Variants in DEPDC1B observed in about 807,000 individuals in gnomAD.
DEPDC1B encodes the protein DEP domain containing 1B.
Under a neutral mutation model 66.5 loss-of-function variants are expected in DEPDC1B, and 51 were observed. That is an observed-to-expected ratio of 0.77 (90% CI 0.61 to 0.97). The LOEUF (loss-of-function observed/expected upper bound fraction) is 0.97, where lower values mean the gene tolerates loss of function less well. Ranked by LOEUF, DEPDC1B falls within the 50% of genes least tolerant of loss-of-function variation. DEPDC1B has a pLI of 0.00. For missense variants in DEPDC1B, 552 were observed against 637.1 expected, an observed-to-expected ratio of 0.87 and a Z score of 1.44; for synonymous variants, 226 against 223.6, an observed-to-expected ratio of 1.01 and a Z score of -0.10.
chr5:60,607,671 G>C (rs924823920), intron 7 of DEPDC1B, among the ~76,000 whole-genome samples: 1 of 152,048 alleles, frequency 6.6e-6, no homozygotes, highest in Non-Finnish European at 1.5e-5. Flanking sequence ...GGAGTGAGGG[G>C]ATGTGCTCCA....
At chr5:60,644,720 A>G (rs1753269142) in intron 5 of DEPDC1B, 25 bp downstream of exon 5, 1 of 1,571,740 alleles carries the variant, frequency 6.4e-7, no homozygotes, top group Non-Finnish European at 8.6e-7. Context: ...GTCAATAAGT[A>G]ACAAAATTAT....
intron 2 of DEPDC1B, among the ~76,000 whole-genome samples, chr5:60,660,768 G>A (rs994304543): frequency 6.6e-6 from 1 of 152,188 alleles, no homozygotes; most frequent in African/African-American, 2.4e-5. Flanking sequence ...ACTAACCACT[G>A]AAAATTCCCT....
intron 2 of DEPDC1B, among the ~76,000 whole-genome samples, chr5:60,670,249 T>C (rs1015674899): frequency 6.6e-6 from 1 of 152,074 alleles, no homozygotes; most frequent in Non-Finnish European, 1.5e-5. Context: ...CCGGGCGTGG[T>C]GGCAGGCGCC....
intron 2 of DEPDC1B, among the ~76,000 whole-genome samples, chr5:60,660,974 C>T (rs10939857): frequency 0.55 from 83,231 of 152,124 alleles, 23,367 homozygotes; most frequent in East Asian, 0.77. Context: ...TGCCTAATAA[C>T]TGGTCTGCTG....
chr5:60,666,684 T>A (rs1753848438), intron 2 of DEPDC1B, among the ~76,000 whole-genome samples: 1 of 152,176 alleles, frequency 6.6e-6, no homozygotes. Context: ...GGGAGTGAAG[T>A]GGACTCTGTG....
chr5:60,615,374 G>A (rs1752521516), intron 7 of DEPDC1B, among the ~76,000 whole-genome samples: 1 of 152,178 alleles, frequency 6.6e-6, no homozygotes, highest in South Asian at 2.1e-4. Context: ...AAGCACAAGG[G>A]GTCAGGGAAT....
At chr5:60,599,983 G>A (rs1170752959) in intron 9 of DEPDC1B, among the ~76,000 whole-genome samples, 1 of 152,122 alleles carries the variant, frequency 6.6e-6, no homozygotes, top group Non-Finnish European at 1.5e-5. Context: ...CTCCACGACC[G>A]AGCTGGTCTC....
intron 7 of DEPDC1B, among the ~76,000 whole-genome samples, chr5:60,610,239 T>C (rs941148219): frequency 1.2e-4 from 18 of 152,364 alleles, no homozygotes; most frequent in African/African-American, 3.8e-4. Context: ...CTCTCACCGA[T>C]TGTGGACAAG....
Position 60,679,693 on chromosome 5 carries a change from C to G in DEPDC1B, c.314+7269G>C, listed in dbSNP as rs901650971. Among the ~76,000 whole-genome samples the G allele has an allele frequency of 2.6e-4, 40 of 152,320 alleles. 1 individual carries two copies. Among genetic ancestry groups the G allele is most frequent in the African/African-American group, 8.9e-4 (37 of 41,568 alleles). On this transcript the variant is annotated intron_variant, in intron 2 of 10. Transcript: ENST00000265036. ...AAAACCTTCCCAGTTCAACCACCCA[C>G]CAGAGCTAGCACCAGTGATGAGAGC...
At chr5:60,603,072 A>T (rs1257245195) in intron 9 of DEPDC1B, among the ~76,000 whole-genome samples, 1 of 152,224 alleles carries the variant, frequency 6.6e-6, no homozygotes, top group African/African-American at 2.4e-5. Flanking sequence ...TCACAGGGCA[A>T]TTATGAATCA....
At chr5:60,666,452 C>A (rs1447794444) in intron 2 of DEPDC1B, among the ~76,000 whole-genome samples, 2 of 152,134 alleles carry the variant, frequency 1.3e-5, no homozygotes, top group Non-Finnish European at 2.9e-5. Flanking sequence ...CAAAGACCCC[C>A]CCCATAACAC....
chr5:60,618,825 G>C (rs553355034), intron 7 of DEPDC1B, among the ~76,000 whole-genome samples: 1 of 152,026 alleles, frequency 6.6e-6, no homozygotes, highest in South Asian at 2.1e-4. Context: ...GCCTGGCAGA[G>C]ACACAACAAA....
intron 2 of DEPDC1B, among the ~76,000 whole-genome samples, chr5:60,674,631 TA>T (rs942189317): frequency 6.6e-6 from 1 of 152,224 alleles, no homozygotes; most frequent in African/African-American, 2.4e-5. Flanking sequence ...ATACACCTAA[TA>T]ATCTGTTGCA....
At position 60,597,740 on chromosome 5, in the gene DEPDC1B, T is replaced by TA; in HGVS notation, c.*12_*13insT. On this transcript the variant is annotated 3_prime_UTR_variant, in exon 11 of 11. Coordinates refer to ENST00000265036, the MANE Select transcript of DEPDC1B (RefSeq NM_018369.3). ...AACAGTGGTCTCTAGCACCTGTTGC[T>TA]GTGGAAGTATTATTACATTCGAAAA... The TA allele has an allele frequency of 6.2e-7, 1 of 1,610,702 alleles. No homozygotes were observed. The highest frequency in any genetic ancestry group is 2.2e-5 in the East Asian group (1 of 44,718).
intron 1 of DEPDC1B, among the ~76,000 whole-genome samples, chr5:60,692,936 G>A (rs1406715785): frequency 6.6e-6 from 1 of 152,034 alleles, no homozygotes; most frequent in Non-Finnish European, 1.5e-5. Context: ...TCAAAAGCAG[G>A]CCAAACGATC....
At chr5:60,606,208 A>G (rs1187973580) in intron 7 of DEPDC1B, among the ~76,000 whole-genome samples, 1 of 152,174 alleles carries the variant, frequency 6.6e-6, no homozygotes, top group African/African-American at 2.4e-5. Flanking sequence ...CAAAATAGCA[A>G]GAACGTGAAC....
intron 7 of DEPDC1B, among the ~76,000 whole-genome samples, chr5:60,617,557 A>G (rs370806509): frequency 8.9e-4 from 136 of 151,960 alleles, no homozygotes; most frequent in African/African-American, 3.1e-3. Flanking sequence ...TTACATAATG[A>G]TAAAGGGATC....
intron 2 of DEPDC1B, among the ~76,000 whole-genome samples, chr5:60,658,288 T>C (rs767609321): frequency 6.6e-6 from 1 of 152,274 alleles, no homozygotes; most frequent in Admixed American, 6.5e-5. Flanking sequence ...ACAATTCTTT[T>C]TCTGGCAATT....
chr5:60,668,343 C>T (rs1234028252), intron 2 of DEPDC1B, among the ~76,000 whole-genome samples: 2 of 147,784 alleles, frequency 1.4e-5, no homozygotes, highest in African/African-American at 5.0e-5. Flanking sequence ...GGTGCAATCT[C>T]ATCTCACTGC....
Sources: gnomAD v4.1 joint callset for allele counts (sites outside exome capture counted in the v4.1 genomes callset) on GRCh38, gnomAD v4.1.1 for gene constraint, MANE v1.5 for transcripts, NCBI Gene and HGNC (gene_info 2026-07-23, HGNC 2026-07-21) for gene names.